The following FRYL variants were observed in gnomAD, a reference collection of about 807,000 sequenced individuals.
FRYL encodes protein furry homolog-like.
A neutral mutation model predicts 351.2 loss-of-function variants in FRYL; 150 were observed. The observed-to-expected ratio is 0.43, with a 90% CI of 0.37 to 0.49. The LOEUF is 0.49. Among genes scored for constraint, FRYL ranks in the 20% least tolerant of loss-of-function variants. The pLI is 0.00. For synonymous variants in FRYL, 1,153 were observed against 1,257.1 expected (o/e 0.92, Z 1.75); for missense variants, 3,036 against 3,619.3 (o/e 0.84, Z 4.13).
rs75433011 is a variant in FRYL, at chr4:48,640,434, C to T, written c.-80-5944G>A. Among the ~76,000 whole-genome samples the T allele has an allele frequency of 8.2e-3, 1,247 of 152,202 alleles. 8 individuals carry two copies. The highest frequency in any genetic ancestry group is 0.013 in the Non-Finnish European group (881 of 67,994). On this transcript the variant is annotated intron_variant, in intron 3 of 63. Transcript: ENST00000358350. Reference sequence around the variant, plus strand: ...AAGGCTATATACTGTATGACTGCAACTATATGACATTCTGGAAAAGACTGT... The same window carrying T: ...AAGGCTATATACTGTATGACTGCAATTATATGACATTCTGGAAAAGACTGT...
intron 3 of FRYL, among the ~76,000 whole-genome samples, chr4:48,671,816 G>GCA (rs1762731033): frequency 8.2e-6 from 1 of 122,500 alleles, no homozygotes; most frequent in Admixed American, 1.1e-4. Context: ...TCACGCCACT[G>GCA]CACTCCAGCC....
At chr4:48,605,857 T>G in intron 10 of FRYL, 24 bp from the exon 11 acceptor site, 1 of 1,298,344 alleles carries the variant, frequency 7.7e-7, no homozygotes, top group East Asian at 2.4e-5. Flanking sequence ...AGGTATATAC[T>G]TAGATTAACA....
intron 1 of FRYL, among the ~76,000 whole-genome samples, chr4:48,750,649 G>C (rs1291736861): frequency 2.6e-5 from 4 of 152,096 alleles, no homozygotes; most frequent in Non-Finnish European, 4.4e-5. Flanking sequence ...CTAACGAACT[G>C]AATGTGGGAT....
chr4:48,619,248 G>C (rs543393465), intron 7 of FRYL, 26 bp downstream of exon 7: 2 of 1,403,914 alleles, frequency 1.4e-6, no homozygotes, highest in East Asian at 2.3e-5. Flanking sequence ...AAGGAATACA[G>C]ACTTTGCAGA....
Position 48,544,875 on chromosome 4 carries a change from T to A in FRYL, c.5309A>T (p.Asp1770Val), listed in dbSNP as rs1413612623. Residue 1770 changes from aspartate to valine, a missense_variant, in exon 43 of 64, where the codon GAT (aspartate) becomes GTT (valine). This residue lies in a region of FRYL where 1,987 missense variants were observed against 2,311.7 expected (regional missense o/e 0.86). Coordinates refer to ENST00000358350, the MANE Select transcript of FRYL (RefSeq NM_015030.2). ...RKRGPLWNHE[D>V]VSAKNPSIKS... Reference sequence around the variant, plus strand: ...TATGCTAGGATTCTTGGCAGAAACATCCTCATGGTTCCAAAGGGGCCCTCT... The same window carrying A: ...TATGCTAGGATTCTTGGCAGAAACAACCTCATGGTTCCAAAGGGGCCCTCT... 1 of 1,606,376 alleles carries A rather than the reference T, an allele frequency of 6.2e-7. No homozygotes were observed. Among genetic ancestry groups the A allele is most frequent in the Admixed American group, 1.7e-5 (1 of 58,260 alleles).
rs10683757 is a variant in FRYL at position 48,763,106 on chromosome 4, TAAAAAA to T, written c.-384+16966_-384+16971del. On this transcript the variant is annotated intron_variant, in intron 1 of 63. Coordinates refer to ENST00000358350, the MANE Select transcript of FRYL (RefSeq NM_015030.2). ...AATATTTTATATTTGTACAGATCTG[TAAAAAA>T]AAAAAAAAAAAAAAAAAGATATGGT... Among the ~76,000 whole-genome samples, 772 of 91,538 alleles carry T rather than the reference TAAAAAA, an allele frequency of 8.4e-3. 7 individuals carry two copies. The highest frequency in any genetic ancestry group is 0.03 in the African/African-American group (731 of 24,434). 60.1% of individuals were successfully genotyped at this position (91,538 alleles called of 152,430 possible). A position where few individuals can be genotyped will look rare whatever the true frequency, so the allele number is the denominator to read the frequency against.
intron 3 of FRYL, among the ~76,000 whole-genome samples, chr4:48,658,467 G>A (rs1759709547): frequency 6.6e-6 from 1 of 151,632 alleles, no homozygotes; most frequent in African/African-American, 2.4e-5. Flanking sequence ...GCTGGGTAAG[G>A]TGGCTCACAT....
Position 48,510,147 on chromosome 4 carries a change from C to A in FRYL, c.8306G>T (p.Cys2769Phe), listed in dbSNP as rs1485406820. Residue 2769 changes from cysteine to phenylalanine, a missense_variant, in exon 59 of 64, where the codon TGT becomes TTT. By Grantham distance (205) the Cys-to-Phe change is radical. This residue lies in a region of FRYL where 1,987 missense variants were observed against 2,311.7 expected (regional missense o/e 0.86). Transcript: ENST00000358350. The stretch of plus-strand genomic sequence containing the variant: ...AAACTTGAGTGTTTCCAGCAAACCA[C>A]ATGACATCAGCTGTCAAATCAGAAG... ...VFVDAETLMS[C>F]GLLETLKFGV... is the part of the protein sequence containing the mutation. The A allele has an allele frequency of 1.9e-5, 31 of 1,611,730 alleles. No homozygotes were observed. The highest frequency in any genetic ancestry group is 2.5e-5 in the Non-Finnish European group (30 of 1,178,002).
Position 48,515,048 on chromosome 4 carries a change from C to T in FRYL, c.7917G>A (p.Ala2639=), listed in dbSNP as rs202002304. 1.7e-5 allele frequency: 28 copies of T among 1,613,470 alleles called. No homozygotes were observed. Among genetic ancestry groups the T allele is most frequent in the African/African-American group, 5.3e-5 (4 of 74,994 alleles). The part of the protein sequence containing the change: ...ELDERCEEEE[A]DFSGLSSQDE... ...CTCACCTAGACAGTCCGGAGAAATCCGCTTCTTCTTCTTCACATCTTTCAT... is the reference window on the plus strand; with the variant it reads ...CTCACCTAGACAGTCCGGAGAAATCTGCTTCTTCTTCTTCACATCTTTCAT... Residue 2639 remains alanine (A), a synonymous_variant, in exon 56 of 64, where the codon GCG becomes GCA. Transcript: ENST00000358350.
chr4:48,532,415 TG>T (rs1727862966), intron 49 of FRYL, among the ~76,000 whole-genome samples: 1 of 152,216 alleles, frequency 6.6e-6, no homozygotes, highest in South Asian at 2.1e-4. Flanking sequence ...CCCAGTACTT[TG>T]GGGGGCCAAT....
intron 2 of FRYL, among the ~76,000 whole-genome samples, chr4:48,697,690 G>T (rs184475253): frequency 6.6e-6 from 1 of 152,080 alleles, no homozygotes; most frequent in African/African-American, 2.4e-5. Flanking sequence ...TGCTGGTCAC[G>T]CTGGTCTTAA....
At chr4:48,632,746 T>C (rs766227842) in intron 4 of FRYL, among the ~76,000 whole-genome samples, 7 of 152,184 alleles carry the variant, frequency 4.6e-5, no homozygotes, top group Middle Eastern at 3.2e-3. Context: ...TATTATTTCA[T>C]AGATGCTTTC....
intron 3 of FRYL, among the ~76,000 whole-genome samples, chr4:48,654,220 A>T (rs1230042579): frequency 6.6e-6 from 1 of 151,608 alleles, no homozygotes; most frequent in Non-Finnish European, 1.5e-5. Context: ...TCTCACTAAG[A>T]GCCTTAGAAA....
At chr4:48,658,284 T>A (rs575042139) in intron 3 of FRYL, among the ~76,000 whole-genome samples, 1 of 152,138 alleles carries the variant, frequency 6.6e-6, no homozygotes, top group Non-Finnish European at 1.5e-5. Context: ...TCCAAAATTA[T>A]TAAACTGGTA....
intron 28 of FRYL, 77 bp from the exon 29 acceptor site, chr4:48,565,768 T>G (rs879067353): frequency 2.2e-6 from 3 of 1,346,374 alleles, no homozygotes; most frequent in South Asian, 1.3e-5. Context: ...TGTTATTGAA[T>G]GTGTAATAGT....
At chr4:48,601,661 T>C (rs1745724365) in intron 13 of FRYL, among the ~76,000 whole-genome samples, 1 of 152,190 alleles carries the variant, frequency 6.6e-6, no homozygotes, top group Non-Finnish European at 1.5e-5. Context: ...TAAACCAACA[T>C]TACTGATTTT....
intron 32 of FRYL, 112 bp from the exon 33 acceptor site, chr4:48,561,748 CT>C: frequency 1.3e-6 from 1 of 755,520 alleles, no homozygotes; most frequent in Non-Finnish European, 2.0e-6. Flanking sequence ...AGTGGAGTGG[CT>C]TATGCCTGTA....
At chr4:48,500,807 G>A (rs1339881597) in intron 62 of FRYL, among the ~76,000 whole-genome samples, 1 of 152,118 alleles carries the variant, frequency 6.6e-6, no homozygotes, top group Non-Finnish European at 1.5e-5. Flanking sequence ...AATGTGGGCT[G>A]GGCACGGTGG....
chr4:48,700,805 AAAATT>A (rs1279993887), intron 2 of FRYL, among the ~76,000 whole-genome samples: 3 of 151,952 alleles, frequency 2.0e-5, no homozygotes, highest in Non-Finnish European at 4.4e-5. Flanking sequence ...CTGACTCAAA[AAAATT>A]AAATTAAAAA....
Sources: allele counts gnomAD v4.1 joint callset (sites outside exome capture counted in the v4.1 genomes callset), GRCh38; gene constraint gnomAD v4.1.1; regional missense constraint gnomAD v4.1.1; transcripts MANE v1.5; gene names NCBI Gene and HGNC (gene_info 2026-07-23, HGNC 2026-07-21).